The following TESPA1 variants were observed in gnomAD, a reference collection of about 807,000 sequenced individuals.
The protein encoded by TESPA1 is protein TESPA1.
Under a neutral mutation model 57.9 loss-of-function variants are expected in TESPA1, and 33 were observed. The ratio of observed to expected loss-of-function variants is 0.57; its 90% CI spans 0.43 to 0.76. The LOEUF (loss-of-function observed/expected upper bound fraction) is 0.76. Ranked by LOEUF, TESPA1 falls within the 30% of genes least tolerant of loss-of-function variation. The probability of loss-of-function intolerance (pLI) is 0.00; values close to 1 mark genes in which losing one functional copy is unlikely to be tolerated. For missense variants in TESPA1, 618 were observed against 632.9 expected (o/e 0.98, Z 0.25); for synonymous variants, 227 against 228.9 (o/e 0.99, Z 0.07).
At chr12:54,963,349 C>A in intron 8 of TESPA1, 107 bp from the exon 9 acceptor site, 1 of 1,121,978 alleles carries the variant, frequency 8.9e-7, no homozygotes, top group Non-Finnish European at 1.2e-6. Context: ...GAGAAGCTTC[C>A]AATTTTCCTA....
chr12:54,977,959 C>T (rs888812822), intron 1 of TESPA1, among the ~76,000 whole-genome samples: 1 of 151,678 alleles, frequency 6.6e-6, no homozygotes, highest in Non-Finnish European at 1.5e-5. Context: ...ATGGTAGTGT[C>T]TGGTTAGTGG....
At position 54,970,816 on chromosome 12, in the gene TESPA1, T is replaced by C. The variant is rs544430394; in HGVS notation, c.206+2661A>G. ...CAAATAGTAGGGAGGAGGGGTTGGA[T>C]TGTGGGAAGAAGTATATGGCTATTT... On this transcript the variant is annotated intron_variant, in intron 3 of 10. Transcript: ENST00000449076. Among the ~76,000 whole-genome samples the C allele has an allele frequency of 2.0e-5, 3 of 152,270 alleles. No individual in the cohort carries two copies. The South Asian group carries it at 6.2e-4, about 32-fold the overall frequency.
intron 10 of TESPA1, among the ~76,000 whole-genome samples, chr12:54,960,568 T>C (rs1227081429): frequency 6.6e-6 from 1 of 152,226 alleles, no homozygotes; most frequent in African/African-American, 2.4e-5. Context: ...TTGATTTCCA[T>C]GGCTGGTCCT....
chr12:54,974,640 C>G (rs757411912), intron 1 of TESPA1, 33 bp from the exon 2 acceptor site: 1 of 1,382,850 alleles, frequency 7.2e-7, no homozygotes, highest in Non-Finnish European at 9.5e-7. Context: ...ACTCCCTCAT[C>G]ATATGCTCAG....
intron 2 of TESPA1, 111 bp downstream of exon 2, chr12:54,974,289 T>A: frequency 1.1e-6 from 1 of 924,422 alleles, no homozygotes; most frequent in Non-Finnish European, 1.5e-6. Flanking sequence ...AAAACAGTCC[T>A]CCCTGAGGGC....
rs1309420239 is a variant in TESPA1 at position 54,962,731 on chromosome 12, G to A, written c.1167C>T (p.Pro389=). 1 of 1,613,928 alleles carries A rather than the reference G, an allele frequency of 6.2e-7. No individual in the cohort carries two copies. The highest frequency in any genetic ancestry group is 1.7e-5 in the Admixed American group (1 of 60,020). Residue 389 remains proline, a synonymous_variant, in exon 9 of 11, where the codon CCC becomes CCT. Transcript: ENST00000449076. ...SQTLDSNPKV[P]CCTHSLPIED... The stretch of plus-strand genomic sequence containing the variant: ...CTATGGGCAGAGAATGTGTGCAACA[G>A]GGTACCTTGGGGTTCGAATCCAGAG...
At chr12:54,977,407 T>C (rs34995014) in intron 1 of TESPA1, among the ~76,000 whole-genome samples, 17,398 of 152,150 alleles carry the variant, frequency 0.11, 1,102 homozygotes, top group Middle Eastern at 0.14. Flanking sequence ...ATGTTGTGGG[T>C]TGAAAGTTGG....
intron 1 of TESPA1, among the ~76,000 whole-genome samples, chr12:54,978,308 C>T (rs887307775): frequency 6.6e-6 from 1 of 152,134 alleles, no homozygotes; most frequent in Non-Finnish European, 1.5e-5. Flanking sequence ...AATTAATTGA[C>T]TTATGGCATG....
intron 9 of TESPA1, among the ~76,000 whole-genome samples, chr12:54,961,672 C>T (rs190894294): frequency 1.3e-5 from 2 of 152,304 alleles, no homozygotes; most frequent in Admixed American, 1.3e-4. Context: ...CTGCACTATT[C>T]CTTCTAGAAC....
intron 2 of TESPA1, 135 bp from the exon 3 acceptor site, chr12:54,973,654 T>G: frequency 6.6e-7 from 1 of 1,516,652 alleles, no homozygotes. Flanking sequence ...AAGCTTTTCT[T>G]TAAGATATGA....
chr12:54,961,212 C>T lies in TESPA1; in HGVS notation c.1523G>A (p.Arg508Lys), dbSNP rs1365610984. Residue 508 changes from arginine to lysine, a missense_variant, in exon 10 of 11, where the codon AGG (arginine) becomes AAG (lysine). By Grantham distance (26) the Arg-to-Lys change is conservative (BLOSUM62 2). Coordinates refer to ENST00000449076, the MANE Select transcript of TESPA1 (RefSeq NM_001136030.3). ...QSQSRWPSRP[R>K]HPHHHQTFAG... ...AAAAGTCTGGTGGTGGTGGGGGTGC[C>T]TGGGTCTGCTGGGCCAGCGACTCTG... The T allele has an allele frequency of 1.2e-6, 2 of 1,613,862 alleles. No individual in the cohort carries two copies. Among genetic ancestry groups the T allele is most frequent in the South Asian group, 1.1e-5 (1 of 91,088 alleles).
intron 1 of TESPA1, among the ~76,000 whole-genome samples, chr12:54,980,459 T>C (rs1206685940): frequency 6.6e-6 from 1 of 152,222 alleles, no homozygotes; most frequent in Non-Finnish European, 1.5e-5. Flanking sequence ...TGTTGTGGCA[T>C]TCAGAATATT....
intron 1 of TESPA1, among the ~76,000 whole-genome samples, chr12:54,981,050 G>T (rs747661377): frequency 1.3e-4 from 20 of 152,130 alleles, no homozygotes; most frequent in Non-Finnish European, 2.5e-4. Context: ...CTCCCAAAGT[G>T]CTGGGATTAT....
chr12:54,962,256 G>A lies in TESPA1; in HGVS notation c.1467+175C>T, dbSNP rs1002983723. On this transcript the variant is annotated intron_variant, in intron 9 of 10. Transcript: ENST00000449076. Reference sequence around the variant, plus strand: ...AACTCGACTGCTCTTAGGAAACCAGGCCTCTGTCTCTTTCTCCCTGTATAT... The same window carrying A: ...AACTCGACTGCTCTTAGGAAACCAGACCTCTGTCTCTTTCTCCCTGTATAT... Among the ~76,000 whole-genome samples the A allele has an allele frequency of 2.0e-5, 3 of 152,176 alleles. No individual in the cohort carries two copies. In the South Asian group the frequency reaches 6.2e-4, roughly 32 times the overall value.
chr12:54,978,647 G>T (rs1045373289), intron 1 of TESPA1, among the ~76,000 whole-genome samples: 1 of 152,176 alleles, frequency 6.6e-6, no homozygotes, highest in African/African-American at 2.4e-5. Flanking sequence ...GGCCATACAG[G>T]AACTTATACA....
rs948501788 is a variant in TESPA1 at position 54,963,055 on chromosome 12, G to C, written c.843C>G (p.Asp281Glu). ...SREPEPQSPRDRLRKAISKMC... is the reference protein window; with the variant it reads ...SREPEPQSPRERLRKAISKMC... ...TCTTGGAGATGGCTTTCCGAAGGCG[G>C]TCTCTGGGTGACTGGGGTTCAGGCT... is the stretch of plus-strand genomic sequence containing the variant. The change falls in exon 9 of 11, where the codon GAC becomes GAG. Residue 281 changes from aspartate to glutamate, a missense_variant. By Grantham distance (45) the Asp-to-Glu change is conservative (BLOSUM62 2). Transcript: ENST00000449076. 18 of 1,613,962 alleles carry C rather than the reference G, an allele frequency of 1.1e-5. No individual in the cohort carries two copies. The Admixed American group carries it at 3.0e-4, about 27-fold the overall frequency.
intron 10 of TESPA1, among the ~76,000 whole-genome samples, chr12:54,956,005 C>G (rs1950713224): frequency 6.6e-6 from 1 of 152,092 alleles, no homozygotes; most frequent in Admixed American, 6.5e-5. Flanking sequence ...AATGAAAGAC[C>G]TTATGTCATA....
At chr12:54,966,020 C>T (rs1951403498) in intron 7 of TESPA1, 33 bp downstream of exon 7, 7 of 1,548,328 alleles carry the variant, frequency 4.5e-6, no homozygotes, top group Non-Finnish European at 6.1e-6. Context: ...TCATCTTCTC[C>T]ACCCTTCCAC....
At chr12:54,978,760 G>A (rs564875700) in intron 1 of TESPA1, among the ~76,000 whole-genome samples, 5 of 152,170 alleles carry the variant, frequency 3.3e-5, no homozygotes, top group Admixed American at 6.5e-5. Flanking sequence ...CTAATCAAAC[G>A]AATTCTTTCT....
Sources: allele counts gnomAD v4.1 joint callset (sites outside exome capture counted in the v4.1 genomes callset), GRCh38; gene constraint gnomAD v4.1.1; transcripts MANE v1.5; gene names NCBI Gene and HGNC (gene_info 2026-07-23, HGNC 2026-07-21).